PHF21B: variants seen among roughly 807,000 people sequenced by gnomAD.
PHF21B encodes PHD finger protein 21B.
A neutral mutation model predicts 62.2 loss-of-function variants in PHF21B; 22 were observed. That is an observed-to-expected ratio of 0.35 (90% confidence interval 0.25 to 0.51). The LOEUF (loss-of-function observed/expected upper bound fraction) is 0.51. PHF21B is among the 20% of genes least tolerant of loss of function. The pLI, the probability that PHF21B is intolerant of heterozygous loss-of-function variation, is 0.97. For synonymous variants in PHF21B, 341 were observed against 314.7 expected (o/e 1.08, Z -0.88); for missense variants, 701 against 707.9 (o/e 0.99, Z 0.11).
intron 2 of PHF21B, among the ~76,000 whole-genome samples, chr22:44,999,990 C>A (rs558216813): frequency 6.6e-6 from 1 of 152,088 alleles, no homozygotes; most frequent in African/African-American, 2.4e-5. Flanking sequence ...GAGTGCTCAC[C>A]GAGCACCAGG....
At chr22:44,898,405 A>G (rs2071097455) in intron 5 of PHF21B, among the ~76,000 whole-genome samples, 1 of 152,060 alleles carries the variant, frequency 6.6e-6, no homozygotes, top group Non-Finnish European at 1.5e-5. Flanking sequence ...GACCCTGGTC[A>G]CTGGCTGAAG....
intron 3 of PHF21B, among the ~76,000 whole-genome samples, chr22:44,920,126 C>A (rs1167091274): frequency 6.6e-6 from 1 of 152,262 alleles, no homozygotes; most frequent in African/African-American, 2.4e-5. Context: ...TATTTCCATT[C>A]TATTTTAGTC....
intron 3 of PHF21B, among the ~76,000 whole-genome samples, 178 bp downstream of exon 3, chr22:44,920,220 G>C (rs774362773): frequency 4.6e-5 from 7 of 152,336 alleles, no homozygotes; most frequent in Admixed American, 1.3e-4. Flanking sequence ...AAACGTATCT[G>C]GTCCAAATGT....
intron 5 of PHF21B, among the ~76,000 whole-genome samples, chr22:44,896,883 T>TTTTTTTTTTTTTTTTTTTTTTTG (rs1555933178): frequency 1.5e-5 from 2 of 132,320 alleles, no homozygotes; most frequent in Non-Finnish European, 3.2e-5. Context: ...TTTATCTGTT[T>TTTTTTTTTTTTTTTTTTTTTTTG]TTTTTTTTTT....
intron 2 of PHF21B, among the ~76,000 whole-genome samples, chr22:44,988,125 T>C (rs12159844): frequency 0.069 from 10,464 of 152,276 alleles, 420 homozygotes; most frequent in Middle Eastern, 0.14. Flanking sequence ...GAACTAATAT[T>C]TCATCCCATG....
At chr22:44,884,692 T>C (rs906987603) in intron 12 of PHF21B, among the ~76,000 whole-genome samples, 11 of 147,256 alleles carry the variant, frequency 7.5e-5, no homozygotes, top group African/African-American at 2.8e-4. Flanking sequence ...ACCATCATCA[T>C]TACAACCATC....
chr22:44,951,278 G>T (rs978992794), intron 2 of PHF21B, among the ~76,000 whole-genome samples: 1 of 152,166 alleles, frequency 6.6e-6, no homozygotes, highest in Admixed American at 6.5e-5. Flanking sequence ...CTCATAAGGA[G>T]TGCACAGCCT....
At chr22:44,922,996 T>A (rs1394103873) in intron 2 of PHF21B, among the ~76,000 whole-genome samples, 2 of 152,078 alleles carry the variant, frequency 1.3e-5, no homozygotes, top group African/African-American at 4.8e-5. Flanking sequence ...CATATGAAAT[T>A]ATAAGGGACC....
intron 2 of PHF21B, among the ~76,000 whole-genome samples, chr22:44,927,088 G>A (rs1306630535): frequency 1.3e-5 from 2 of 152,066 alleles, no homozygotes; most frequent in Non-Finnish European, 2.9e-5. Context: ...GGAAAGGAGG[G>A]GAGACCCAAA....
chr22:44,912,066 C>T (rs894156350), intron 5 of PHF21B, among the ~76,000 whole-genome samples: 10 of 152,240 alleles, frequency 6.6e-5, no homozygotes, highest in African/African-American at 2.4e-4. Context: ...CACCAGATTT[C>T]GGACTTGCAT....
At chr22:44,889,563 T>C (rs1445011910) in intron 9 of PHF21B, among the ~76,000 whole-genome samples, 197 bp downstream of exon 9, 1 of 152,166 alleles carries the variant, frequency 6.6e-6, no homozygotes, top group Admixed American at 6.5e-5. Context: ...CCTGTGGCAA[T>C]GCCCGACTTG....
chr22:44,942,953 G>C (rs967847043), intron 2 of PHF21B, among the ~76,000 whole-genome samples: 2 of 151,668 alleles, frequency 1.3e-5, no homozygotes, highest in African/African-American at 4.8e-5. Flanking sequence ...TAGGACACAG[G>C]CCTGAGGCAG....
chr22:44,940,988 T>G (rs534894560), intron 2 of PHF21B, among the ~76,000 whole-genome samples: 107 of 152,228 alleles, frequency 7.0e-4, no homozygotes, highest in Non-Finnish European at 1.5e-3. Context: ...CATTGCAATT[T>G]TTAAAGGCTC....
chr22:44,915,200 T>C (rs866112879), intron 4 of PHF21B, among the ~76,000 whole-genome samples: 4 of 152,246 alleles, frequency 2.6e-5, no homozygotes, highest in Middle Eastern at 6.8e-3. Flanking sequence ...TTTATATCCA[T>C]GGGAAGAAAA....
chr22:44,990,142 A>G (rs1467354677), intron 2 of PHF21B, among the ~76,000 whole-genome samples: 1 of 152,184 alleles, frequency 6.6e-6, no homozygotes, highest in African/African-American at 2.4e-5. Context: ...GCAGGATGTG[A>G]TATCAAAACC....
At chr22:44,924,507 G>A (rs2071595527) in intron 2 of PHF21B, among the ~76,000 whole-genome samples, 2 of 152,200 alleles carry the variant, frequency 1.3e-5, no homozygotes, top group South Asian at 4.1e-4. Context: ...TGAGGGTGGA[G>A]CCCTCAGTTA....
chr22:44,887,870 G>C, intron 10 of PHF21B, 93 bp downstream of exon 10: 1 of 1,278,072 alleles, frequency 7.8e-7, no homozygotes, highest in Non-Finnish European at 1.0e-6. Flanking sequence ...CTATACCCAA[G>C]CCCCTTTTTT....
chr22:44,988,773 T>C (rs2072995506), intron 2 of PHF21B, among the ~76,000 whole-genome samples: 1 of 152,190 alleles, frequency 6.6e-6, no homozygotes, highest in South Asian at 2.1e-4. Flanking sequence ...GCTGTGGTCA[T>C]TTTGGGGCTG....
chr22:44,923,332 A>C (rs1029753925), intron 2 of PHF21B, among the ~76,000 whole-genome samples: 2 of 34,474 alleles, frequency 5.8e-5, no homozygotes, highest in African/African-American at 3.5e-4. Flanking sequence ...ATACCATATC[A>C]AAAAAAAAAA....
Sources: gnomAD v4.1 joint callset for allele counts (sites outside exome capture counted in the v4.1 genomes callset) on GRCh38, gnomAD v4.1.1 for gene constraint, MANE v1.5 for transcripts, NCBI Gene and HGNC (gene_info 2026-07-23, HGNC 2026-07-21) for gene names.